Variants in EXT1 observed in about 807,000 individuals in gnomAD.
The protein encoded by EXT1 is exostosin-1.
EXT1 carries 20 observed loss-of-function variants against 82.5 expected under a neutral mutation model. That is an observed-to-expected ratio of 0.24 (90% CI 0.17 to 0.35). The LOEUF (loss-of-function observed/expected upper bound fraction) is 0.35, where lower values mean the gene tolerates loss of function less well. EXT1 is among the 10% of genes least tolerant of loss of function. The pLI, the probability that EXT1 is intolerant of heterozygous loss-of-function variation, is 1.00. For synonymous variants in EXT1, 348 were observed against 350.8 expected (o/e 0.99, Z 0.09); for missense variants, 757 against 936.5 (o/e 0.81, Z 2.50).
chr8:117,976,164 C>A (rs1356493966), intron 1 of EXT1, among the ~76,000 whole-genome samples: 1 of 152,156 alleles, frequency 6.6e-6, no homozygotes, highest in South Asian at 2.1e-4. Context: ...GAAAAATACA[C>A]CCAGAAAAGC....
intron 1 of EXT1, among the ~76,000 whole-genome samples, chr8:118,078,537 G>T (rs1398951553): frequency 6.6e-6 from 1 of 150,576 alleles, no homozygotes; most frequent in Non-Finnish European, 1.5e-5. Context: ...GGCTTCCTAG[G>T]TCATGACCAT....
intron 1 of EXT1, among the ~76,000 whole-genome samples, chr8:117,968,467 C>A (rs1814866813): frequency 6.6e-6 from 1 of 151,596 alleles, no homozygotes; most frequent in East Asian, 1.9e-4. Context: ...AGCTGAGGTT[C>A]AAACTCAGGC....
intron 8 of EXT1, among the ~76,000 whole-genome samples, chr8:117,811,676 G>C (rs911275782): frequency 6.6e-6 from 1 of 151,536 alleles, no homozygotes; most frequent in African/African-American, 2.4e-5. Flanking sequence ...GAGTGCAATG[G>C]TACGATGTCC....
chr8:117,833,627 G>A (rs10105753), intron 3 of EXT1, among the ~76,000 whole-genome samples: 13,332 of 150,218 alleles, frequency 0.089, 762 homozygotes, highest in African/African-American at 0.16. Flanking sequence ...AAAAAAAAAA[G>A]AAAGAAACTG....
intron 1 of EXT1, among the ~76,000 whole-genome samples, chr8:118,004,478 T>C (rs1047687661): frequency 6.6e-6 from 1 of 152,172 alleles, no homozygotes; most frequent in East Asian, 1.9e-4. Context: ...AACTGAAACT[T>C]TCTGGCTGAG....
chr8:118,025,812 T>C (rs1816191995), intron 1 of EXT1, among the ~76,000 whole-genome samples: 2 of 152,172 alleles, frequency 1.3e-5, no homozygotes. Flanking sequence ...TTATGAAACA[T>C]GTCAGCTGAT....
intron 7 of EXT1, among the ~76,000 whole-genome samples, chr8:117,816,701 C>A (rs1805936303): frequency 6.6e-6 from 1 of 152,130 alleles, no homozygotes; most frequent in Admixed American, 6.5e-5. Context: ...CGGGGAGTTT[C>A]TTTTCACTGA....
In EXT1 at chr8:117,862,745, C is replaced by T. The variant is rs368300209; in HGVS notation, c.963-25544G>A. Among the ~76,000 whole-genome samples, 124 of 145,466 alleles carry T rather than the reference C, an allele frequency of 8.5e-4. 11 individuals carry two copies. In the South Asian group the frequency reaches 0.027, roughly 31 times the overall value. On this transcript the variant is annotated intron_variant, in intron 1 of 10. Transcript: ENST00000378204. Reference sequence around the variant, plus strand: ...CATGACAGGGAACTAAACAGGTGGGCGTGAGAATGCTTATGGGTGGACAGT... The same window carrying T: ...CATGACAGGGAACTAAACAGGTGGGTGTGAGAATGCTTATGGGTGGACAGT...
intron 1 of EXT1, among the ~76,000 whole-genome samples, chr8:118,083,653 A>G (rs1437541134): frequency 6.6e-6 from 1 of 152,188 alleles, no homozygotes; most frequent in Non-Finnish European, 1.5e-5. Flanking sequence ...TCCCCAGGAC[A>G]TAGTAAGAAG....
intron 4 of EXT1, among the ~76,000 whole-genome samples, chr8:117,824,847 CTTT>C (rs970706696): frequency 3.3e-5 from 5 of 151,854 alleles, no homozygotes; most frequent in Admixed American, 3.3e-4. Context: ...TCTTCTTCTT[CTTT>C]TTCTTTTTTT....
chr8:117,984,572 G>A (rs1815276239), intron 1 of EXT1, among the ~76,000 whole-genome samples: 1 of 152,166 alleles, frequency 6.6e-6, no homozygotes, highest in South Asian at 2.1e-4. Flanking sequence ...CAAAAGCCCT[G>A]AGGCCAGAGT....
chr8:117,899,200 C>A (rs762435872), intron 1 of EXT1, among the ~76,000 whole-genome samples: 13 of 152,208 alleles, frequency 8.5e-5, no homozygotes, highest in Admixed American at 3.3e-4. Flanking sequence ...AATGCACACA[C>A]ATTTTAGACT....
intron 1 of EXT1, among the ~76,000 whole-genome samples, chr8:117,869,290 A>G (rs573322038): frequency 6.6e-6 from 1 of 152,338 alleles, no homozygotes; most frequent in East Asian, 1.9e-4. Flanking sequence ...TAGGTGGTGA[A>G]GCTCAATCTT....
chr8:117,872,184 G>GA (rs1318769556), intron 1 of EXT1, among the ~76,000 whole-genome samples: 1 of 151,438 alleles, frequency 6.6e-6, no homozygotes. Flanking sequence ...GGGAGGGAAA[G>GA]AAAAAATAAG....
chr8:117,842,399 T>C (rs1458640499), intron 1 of EXT1, among the ~76,000 whole-genome samples: 1 of 152,150 alleles, frequency 6.6e-6, no homozygotes, highest in African/African-American at 2.4e-5. Flanking sequence ...CAGAACATAA[T>C]GGAAAACACA....
intron 10 of EXT1, among the ~76,000 whole-genome samples, chr8:117,800,219 A>T (rs958638434): frequency 3.3e-5 from 5 of 151,870 alleles, no homozygotes; most frequent in Non-Finnish European, 5.9e-5. Context: ...TCAATCTAAA[A>T]CCTCTCTTTG....
chr8:117,820,767 A>G (rs1022842686), intron 5 of EXT1, among the ~76,000 whole-genome samples: 6 of 152,188 alleles, frequency 3.9e-5, no homozygotes, highest in Non-Finnish European at 4.4e-5. Context: ...AGTACTCAAT[A>G]TATGTCAGCA....
intron 4 of EXT1, among the ~76,000 whole-genome samples, chr8:117,823,137 A>G (rs780997695): frequency 1.3e-5 from 2 of 152,124 alleles, no homozygotes; most frequent in Non-Finnish European, 2.9e-5. Context: ...TTCAAAGTCA[A>G]TTGGAGGACT....
intron 1 of EXT1, among the ~76,000 whole-genome samples, chr8:118,102,818 G>A (rs1286121213): frequency 6.6e-6 from 1 of 151,938 alleles, no homozygotes; most frequent in Non-Finnish European, 1.5e-5. Flanking sequence ...CTTCCACAGA[G>A]GCTATGCATA....
Sources: gnomAD v4.1 joint callset for allele counts (sites outside exome capture counted in the v4.1 genomes callset) on GRCh38, gnomAD v4.1.1 for gene constraint, MANE v1.5 for transcripts, NCBI Gene and HGNC (gene_info 2026-07-23, HGNC 2026-07-21) for gene names.